ST6GAL1: variants seen among roughly 807,000 people sequenced by gnomAD.
ST6GAL1 encodes ST6 beta-galactoside alpha-2,6-sialyltransferase 1.
ST6GAL1 carries 20 observed loss-of-function variants against 38.0 expected under a neutral mutation model. The observed-to-expected ratio is 0.53, with a 90% CI of 0.37 to 0.77. The LOEUF (loss-of-function observed/expected upper bound fraction) is 0.77, where lower values mean the gene tolerates loss of function less well. ST6GAL1 is among the 30% of genes least tolerant of loss of function. The pLI is 0.00. For missense variants in ST6GAL1, 432 were observed against 496.4 expected (o/e 0.87, Z 1.23); for synonymous variants, 196 against 188.2 (o/e 1.04, Z -0.34).
At chr3:186,996,750 C>G (rs1716423774) in intron 2 of ST6GAL1, 1 of 152,242 alleles carries the variant, frequency 6.6e-6, no homozygotes, top group Non-Finnish European at 1.5e-5. Context: ...GCATGACGTG[C>G]TATAGAATTC....
chr3:187,044,041 G>A (rs749179870), intron 4 of ST6GAL1, among the ~76,000 whole-genome samples: 12 of 152,310 alleles, frequency 7.9e-5, no homozygotes, highest in Non-Finnish European at 1.0e-4. Context: ...AAGTGTGTCC[G>A]TGCATTTTTC....
At chr3:186,951,478 G>A (rs147021001) in intron 1 of ST6GAL1, among the ~76,000 whole-genome samples, 1 of 152,164 alleles carries the variant, frequency 6.6e-6, no homozygotes, top group Non-Finnish European at 1.5e-5. Flanking sequence ...ATTATAACAC[G>A]TATTGCTGCC....
intron 2 of ST6GAL1, among the ~76,000 whole-genome samples, chr3:186,981,355 G>A (rs2108537698): frequency 6.6e-6 from 1 of 152,292 alleles, no homozygotes; most frequent in East Asian, 1.9e-4. Flanking sequence ...ACATTGATTT[G>A]GATTTTGGTT....
chr3:187,041,309 T>C (rs1421582275), intron 3 of ST6GAL1, among the ~76,000 whole-genome samples: 1 of 152,166 alleles, frequency 6.6e-6, no homozygotes, highest in Non-Finnish European at 1.5e-5. Context: ...TACCTTTTCC[T>C]GATATCCTTA....
intron 2 of ST6GAL1, among the ~76,000 whole-genome samples, chr3:187,028,697 G>T (rs1480398091): frequency 3.3e-5 from 5 of 152,116 alleles, no homozygotes; most frequent in African/African-American, 9.7e-5. Flanking sequence ...CAGACAAGGT[G>T]TACGTATTAC....
At chr3:186,972,780 C>T (rs994350210) in intron 2 of ST6GAL1, among the ~76,000 whole-genome samples, 2 of 152,188 alleles carry the variant, frequency 1.3e-5, no homozygotes, top group African/African-American at 4.8e-5. Flanking sequence ...CAGTGTAGCA[C>T]TGCCCTATAG....
chr3:187,036,163 A>T (rs942116257), intron 2 of ST6GAL1, among the ~76,000 whole-genome samples: 1 of 152,196 alleles, frequency 6.6e-6, no homozygotes, highest in African/African-American at 2.4e-5. Context: ...GCTCAGTATC[A>T]CTAATTATTA....
rs139818568 is a variant in ST6GAL1, at chr3:187,051,332, C to G, written c.691C>G (p.Leu231Val). 1.9e-5 allele frequency: 31 copies of G among 1,613,972 alleles called. No individual in the cohort carries two copies. Among genetic ancestry groups the G allele is most frequent in the Non-Finnish European group, 2.5e-5 (29 of 1,179,978 alleles). The change falls in exon 5 of 8, where the codon CTG (leucine) becomes GTG (valine). Residue 231 changes from leucine (L) to valine (V), a missense_variant. Leu to Val is a conservative substitution (Grantham distance 32). Transcript: ENST00000169298. ...TGTGGGCACAAAAACTACCATTCGCCTGATGAACTCTCAGGTAAAATTTCT... is the reference window on the plus strand; with the variant it reads ...TGTGGGCACAAAAACTACCATTCGCGTGATGAACTCTCAGGTAAAATTTCT... ...QDVGTKTTIR[L>V]MNSQLVTTEK...
intron 2 of ST6GAL1, among the ~76,000 whole-genome samples, chr3:187,009,913 G>T (rs1716901628): frequency 6.6e-6 from 1 of 152,092 alleles, no homozygotes; most frequent in Non-Finnish European, 1.5e-5. Flanking sequence ...GCCGAGGCAG[G>T]AGAATCGCTT....
At chr3:186,996,504 A>G (rs1414429393) in intron 2 of ST6GAL1, 1 of 152,106 alleles carries the variant, frequency 6.6e-6, no homozygotes, top group Admixed American at 6.5e-5. Context: ...TTCTTCTCTC[A>G]CAAGCCTCTG....
chr3:186,971,258 T>G (rs1715340428), intron 2 of ST6GAL1, among the ~76,000 whole-genome samples: 1 of 152,192 alleles, frequency 6.6e-6, no homozygotes, highest in Admixed American at 6.5e-5. Context: ...CTGGCTAATT[T>G]TTTTGTATCT....
At chr3:187,047,769 C>T (rs559735581) in intron 4 of ST6GAL1, among the ~76,000 whole-genome samples, 252 of 151,962 alleles carry the variant, frequency 1.7e-3, no homozygotes, top group African/African-American at 6.0e-3. Flanking sequence ...CTTTAAGTAC[C>T]CAAGTCAGTT....
At chr3:186,996,792 T>A (rs2108549782) in intron 2 of ST6GAL1, 1 of 152,262 alleles carries the variant, frequency 6.6e-6, no homozygotes, top group African/African-American at 2.4e-5. Context: ...GCTCTCCTGT[T>A]TTGCAAATGT....
chr3:186,967,268 T>C (rs542211905), intron 2 of ST6GAL1, among the ~76,000 whole-genome samples: 4 of 152,302 alleles, frequency 2.6e-5, no homozygotes, highest in African/African-American at 9.6e-5. Context: ...CTCAGCTCAC[T>C]GCAACCTCCG....
intron 4 of ST6GAL1, among the ~76,000 whole-genome samples, chr3:187,047,946 C>CTTT (rs35595658): frequency 7.1e-6 from 1 of 141,466 alleles, no homozygotes; most frequent in African/African-American, 2.6e-5. Context: ...CTTTTCCTTT[C>CTTT]TTTTTTTTTT....
intron 1 of ST6GAL1, among the ~76,000 whole-genome samples, chr3:186,941,078 T>G (rs1714155571): frequency 6.6e-6 from 1 of 152,114 alleles, no homozygotes; most frequent in African/African-American, 2.4e-5. Flanking sequence ...GCATGGAAGG[T>G]TATTTTTGGA....
At chr3:186,934,746 T>TTTTATGTA (rs1713881353) in intron 1 of ST6GAL1, among the ~76,000 whole-genome samples, 2 of 150,412 alleles carry the variant, frequency 1.3e-5, no homozygotes, top group South Asian at 4.2e-4. Flanking sequence ...TTTTAAAAAA[T>TTTTATGTA]TTTATTTATT....
At chr3:186,943,544 G>A (rs1458374824) in intron 1 of ST6GAL1, among the ~76,000 whole-genome samples, 1 of 152,082 alleles carries the variant, frequency 6.6e-6, no homozygotes, top group African/African-American at 2.4e-5. Flanking sequence ...CCGCCTCCCG[G>A]GTTCAAGCCA....
At chr3:187,062,981 A>G (rs142688992) in intron 5 of ST6GAL1, among the ~76,000 whole-genome samples, 1 of 152,338 alleles carries the variant, frequency 6.6e-6, no homozygotes, top group African/African-American at 2.4e-5. Flanking sequence ...ATTGTTGTTT[A>G]ATGAATACTG....
Sources: allele counts gnomAD v4.1 joint callset (sites outside exome capture counted in the v4.1 genomes callset), GRCh38; gene constraint gnomAD v4.1.1; transcripts MANE v1.5; gene names NCBI Gene and HGNC (gene_info 2026-07-23, HGNC 2026-07-21).